The following ULK4 variants were observed in gnomAD, a reference collection of about 807,000 sequenced individuals.
ULK4 encodes the protein unc-51 like kinase 4.
Under a neutral mutation model 160.6 loss-of-function variants are expected in ULK4, and 133 were observed. The observed-to-expected ratio is 0.83, with a 90% CI of 0.72 to 0.96. The LOEUF is 0.96. Among genes scored for constraint, ULK4 ranks in the 40% least tolerant of loss-of-function variants. ULK4 has a pLI of 0.00. For synonymous variants in ULK4, 534 were observed against 539.8 expected (o/e 0.99, Z 0.15); for missense variants, 1,580 against 1,499.5 (o/e 1.05, Z -0.89).
At chr3:41,699,302 T>C (rs2125819462) in intron 27 of ULK4, among the ~76,000 whole-genome samples, 1 of 152,326 alleles carries the variant, frequency 6.6e-6, no homozygotes, top group African/African-American at 2.4e-5. Flanking sequence ...TTATTCATTA[T>C]TTATTAGCCT....
At chr3:41,570,766 A>G (rs918383147) in intron 31 of ULK4, among the ~76,000 whole-genome samples, 4 of 152,194 alleles carry the variant, frequency 2.6e-5, no homozygotes, top group African/African-American at 9.6e-5. Context: ...TCAATACAAA[A>G]GCTAACTCAC....
At chr3:41,525,157 C>T (rs1323104053) in intron 32 of ULK4, among the ~76,000 whole-genome samples, 1 of 152,132 alleles carries the variant, frequency 6.6e-6, no homozygotes, top group Non-Finnish European at 1.5e-5. Context: ...ATCTTTGTAA[C>T]TAAGCAGATG....
At chr3:41,574,867 G>A (rs1218121033) in intron 31 of ULK4, among the ~76,000 whole-genome samples, 1 of 152,146 alleles carries the variant, frequency 6.6e-6, no homozygotes, top group Non-Finnish European at 1.5e-5. Flanking sequence ...TTTCTAAAGT[G>A]GTAGAGACTC....
At chr3:41,759,346 T>C (rs995680871) in intron 21 of ULK4, among the ~76,000 whole-genome samples, 14 of 152,168 alleles carry the variant, frequency 9.2e-5, no homozygotes, top group South Asian at 2.1e-4. Flanking sequence ...TAATGAACAA[T>C]TGGAAAATAA....
intron 16 of ULK4, among the ~76,000 whole-genome samples, chr3:41,890,750 CGGG>C (rs1216021591): frequency 0.14 from 145 of 1,072 alleles, 2 homozygotes; most frequent in African/African-American, 0.25. Flanking sequence ...ACAGGAGGGA[CGGG>C]AGGGACGGGA....
chr3:41,729,991 G>A (rs1433230034), intron 22 of ULK4, among the ~76,000 whole-genome samples: 2 of 152,036 alleles, frequency 1.3e-5, no homozygotes, highest in African/African-American at 2.4e-5. Context: ...ATCAGTAACA[G>A]GAGAAACTCT....
intron 27 of ULK4, among the ~76,000 whole-genome samples, chr3:41,693,223 G>A (rs2036371072): frequency 6.6e-6 from 1 of 152,126 alleles, no homozygotes; most frequent in Non-Finnish European, 1.5e-5. Context: ...ATGCATTGCT[G>A]GTGAGAAAGA....
intron 30 of ULK4, among the ~76,000 whole-genome samples, chr3:41,633,564 A>G (rs1460247278): frequency 6.6e-6 from 1 of 152,212 alleles, no homozygotes; most frequent in Non-Finnish European, 1.5e-5. Context: ...GATTAAGTAA[A>G]GCAATGTCAT....
At chr3:41,624,360 T>C (rs2033392484) in intron 30 of ULK4, among the ~76,000 whole-genome samples, 2 of 152,222 alleles carry the variant, frequency 1.3e-5, no homozygotes, top group Admixed American at 1.3e-4. Flanking sequence ...ACTTCTCCAA[T>C]GGTACCTGGA....
intron 32 of ULK4, among the ~76,000 whole-genome samples, chr3:41,510,978 C>T (rs1026696836): frequency 4.6e-5 from 7 of 151,796 alleles, no homozygotes; most frequent in African/African-American, 1.7e-4. Context: ...CTGGCTAACA[C>T]GGTGAAACCC....
At chr3:41,961,548 T>TCCCCCCCCCCCCCCCCC (rs1700668497) in intron 1 of ULK4, among the ~76,000 whole-genome samples, 1 of 5,078 alleles carries the variant, frequency 2.0e-4, no homozygotes, top group Admixed American at 2.6e-3. Context: ...ACGTAGTCAC[T>TCCCCCCCCCCCCCCCCC]CACCCCCCCC....
rs78931716 is a variant in ULK4, at chr3:41,338,420, C to A, written c.3678+59659G>T. Among the ~76,000 whole-genome samples, 577 of 152,336 alleles carry A rather than the reference C, an allele frequency of 3.8e-3. 3 individuals are homozygous for A. The highest frequency in any genetic ancestry group is 0.013 in the African/African-American group (543 of 41,578). On this transcript the variant is annotated intron_variant, in intron 35 of 36. Coordinates refer to ENST00000301831, the MANE Select transcript of ULK4 (RefSeq NM_017886.4). ...GGAGCAAACACACAAACATTAATTT[C>A]TGGATTATGTGGGTTCCTCAGCCAG...
chr3:41,566,997 G>T (rs926753646), intron 31 of ULK4, among the ~76,000 whole-genome samples: 1 of 152,154 alleles, frequency 6.6e-6, no homozygotes, highest in Non-Finnish European at 1.5e-5. Flanking sequence ...AGGACTCCTA[G>T]GAGTCTAGCT....
chr3:41,569,183 G>A (rs901711444), intron 31 of ULK4, among the ~76,000 whole-genome samples: 2 of 152,100 alleles, frequency 1.3e-5, no homozygotes, highest in South Asian at 4.1e-4. Context: ...GTCCTTTGGG[G>A]TTTTTATGGA....
chr3:41,317,296 C>T (rs895903431), intron 35 of ULK4, among the ~76,000 whole-genome samples: 2 of 151,980 alleles, frequency 1.3e-5, no homozygotes, highest in African/African-American at 4.8e-5. Flanking sequence ...AGGATCGTCT[C>T]GATCTCCTGA....
At position 41,828,473 on chromosome 3, in the gene ULK4, A is replaced by G. The variant is rs1486506423; in HGVS notation, c.1764+7391T>C. ...AAGTCTCAGGATACAAAATCAATGT[A>G]CAAAAATCACAAGCATTCTTATACA... is the stretch of plus-strand genomic sequence containing the variant. On this transcript the variant is annotated intron_variant, in intron 18 of 36. Transcript: ENST00000301831. Among the ~76,000 whole-genome samples, 21 of 139,682 alleles carry G rather than the reference A, an allele frequency of 1.5e-4. No homozygotes were observed. In the East Asian group the frequency reaches 4.0e-3, roughly 27 times the overall value. The allele number at this position is 139,682 out of a possible 152,430, so 91.6% of individuals were successfully genotyped here.
chr3:41,951,144 CAAAAAAAA>C lies in ULK4; in HGVS notation c.138+3470_138+3477del, dbSNP rs34524276. Among the ~76,000 whole-genome samples the C allele has an allele frequency of 1.5e-4, 10 of 64,662 alleles. No homozygotes were observed. The East Asian group carries it at 3.3e-3, about 22-fold the overall frequency. The allele number at this position is 64,662 out of a possible 152,430, so 42.4% of individuals were successfully genotyped here. A position where few individuals can be genotyped will look rare whatever the true frequency, so the allele number is the denominator to read the frequency against. On this transcript the variant is annotated intron_variant, in intron 2 of 36. Coordinates refer to ENST00000301831, the MANE Select transcript of ULK4 (RefSeq NM_017886.4). ...TGGAGGACAGAGCGAGGCTTCGTCT[CAAAAAAAA>C]AAAAAAAAAAAAAAAAGACACAAAT...
intron 32 of ULK4, among the ~76,000 whole-genome samples, chr3:41,557,151 A>T (rs1272193658): frequency 6.6e-6 from 1 of 152,148 alleles, no homozygotes; most frequent in Admixed American, 6.5e-5. Context: ...AGAAGCCAAA[A>T]AAGCATTTGA....
chr3:41,454,697 AT>A (rs1017962372), intron 34 of ULK4, among the ~76,000 whole-genome samples: 1 of 151,946 alleles, frequency 6.6e-6, no homozygotes, highest in African/African-American at 2.4e-5. Context: ...AGTTTTCTTA[AT>A]TTTTAATTTT....
Sources: allele counts gnomAD v4.1 joint callset (sites outside exome capture counted in the v4.1 genomes callset), GRCh38; gene constraint gnomAD v4.1.1; transcripts MANE v1.5; gene names NCBI Gene and HGNC (gene_info 2026-07-23, HGNC 2026-07-21).